The following CACNA1D variants were observed in gnomAD, a reference collection of about 807,000 sequenced individuals.
CACNA1D encodes calcium voltage-gated channel subunit alpha1 D.
Under a neutral mutation model 257.1 loss-of-function variants are expected in CACNA1D, and 55 were observed. The ratio of observed to expected loss-of-function variants is 0.21; its 90% CI spans 0.17 to 0.27. The LOEUF (loss-of-function observed/expected upper bound fraction) is 0.27, where lower values mean the gene tolerates loss of function less well. Ranked by LOEUF, CACNA1D falls within the 10% of genes least tolerant of loss-of-function variation. CACNA1D has a pLI of 1.00. For synonymous variants in CACNA1D, 980 were observed against 1,014.9 expected, an observed-to-expected ratio of 0.97 and a Z score of 0.65; for missense variants, 1,876 against 2,784.0, an observed-to-expected ratio of 0.67 and a Z score of 7.34.
chr3:53,776,722 T>C lies in CACNA1D; in HGVS notation c.4482T>C (p.Pro1494=), dbSNP rs556209865. The C allele has an allele frequency of 3.1e-6, 5 of 1,614,238 alleles. No individual in the cohort carries two copies. In the South Asian group the frequency reaches 5.5e-5, roughly 18 times the overall value. Residue 1494 remains proline, a synonymous_variant, in exon 36 of 48, where the codon CCT becomes CCC. Transcript: ENST00000350061. ...AAAGAATATGGTCAGAATATGACCCTGAGGCAAAGTAGGTTGAAAAATATT... is the reference window on the plus strand; with the variant it reads ...AAAGAATATGGTCAGAATATGACCCCGAGGCAAAGTAGGTTGAAAAATATT... The part of the protein sequence containing the change: ...EFKRIWSEYD[P]EAKGRIKHLD...
At chr3:53,780,338 T>C (rs539370266) in intron 38 of CACNA1D, among the ~76,000 whole-genome samples, 88 of 152,342 alleles carry the variant, frequency 5.8e-4, no homozygotes, top group Admixed American at 1.3e-3. Flanking sequence ...ATGCTTCACT[T>C]TGTCCCAGAA....
At chr3:53,665,849 AT>A (rs763407126) in intron 6 of CACNA1D, 37 bp downstream of exon 6, 8 of 1,584,174 alleles carry the variant, frequency 5.0e-6, no homozygotes, top group African/African-American at 2.7e-5. Flanking sequence ...TAACTTTAAA[AT>A]TTTTTTGTTT....
Position 53,789,114 on chromosome 3 carries a change from A to G in CACNA1D, c.4923+2162A>G, listed in dbSNP as rs1349288341. On this transcript the variant is annotated intron_variant, in intron 40 of 47. Coordinates refer to ENST00000350061, the MANE Select transcript of CACNA1D (RefSeq NM_001128840.3). The surrounding 1 kb of genome is among the most constrained non-coding windows in gnomAD (Gnocchi z 4.2). ...TAAAAGACTCTTTTTGTGTTGCAAT[A>G]ATGTTGAGGGTTTCTCCTAAACGTT... Among the ~76,000 whole-genome samples the G allele has an allele frequency of 3.3e-5, 5 of 152,190 alleles. No homozygotes were observed. Among genetic ancestry groups the G allele is most frequent in the Non-Finnish European group, 7.3e-5 (5 of 68,042 alleles).
chr3:53,771,799 T>C (rs1296062129), intron 32 of CACNA1D, among the ~76,000 whole-genome samples: 1 of 152,174 alleles, frequency 6.6e-6, no homozygotes, highest in Non-Finnish European at 1.5e-5. Context: ...CAAACAAAAA[T>C]CGTAAACATT....
chr3:53,712,657 C>T (rs1013415792), intron 9 of CACNA1D, among the ~76,000 whole-genome samples: 1 of 152,090 alleles, frequency 6.6e-6, no homozygotes, highest in African/African-American at 2.4e-5. Flanking sequence ...GGTACCCTGT[C>T]CCCTAGGAAG....
chr3:53,768,539 A>AT (rs1302358318), intron 30 of CACNA1D, among the ~76,000 whole-genome samples: 1 of 152,202 alleles, frequency 6.6e-6, no homozygotes, highest in African/African-American at 2.4e-5. Flanking sequence ...AGGAGCTGAT[A>AT]TTTCTTTTGA....
chr3:53,779,479 T>C (rs559823906), intron 37 of CACNA1D, among the ~76,000 whole-genome samples: 1 of 152,130 alleles, frequency 6.6e-6, no homozygotes, highest in Admixed American at 6.5e-5. Flanking sequence ...AGGTTTATCA[T>C]GGGGAATTGG....
intron 3 of CACNA1D, among the ~76,000 whole-genome samples, chr3:53,567,356 G>A (rs531268238): frequency 2.9e-4 from 44 of 152,304 alleles, no homozygotes; most frequent in African/African-American, 6.3e-4. Context: ...AAGAGGCTTC[G>A]TTGCTCATCT....
chr3:53,613,094 T>G (rs2093600474), intron 3 of CACNA1D, among the ~76,000 whole-genome samples: 1 of 152,200 alleles, frequency 6.6e-6, no homozygotes, highest in Non-Finnish European at 1.5e-5. Context: ...AGAGGGCACT[T>G]TGCTTCTGTG....
At chr3:53,588,081 G>T (rs1367082770) in intron 3 of CACNA1D, among the ~76,000 whole-genome samples, 2 of 152,136 alleles carry the variant, frequency 1.3e-5, no homozygotes, top group Non-Finnish European at 2.9e-5. Context: ...TTAAGACCTA[G>T]GGGTATTTCC....
intron 3 of CACNA1D, among the ~76,000 whole-genome samples, chr3:53,578,532 G>A (rs1210368215): frequency 2.0e-5 from 3 of 152,154 alleles, no homozygotes; most frequent in Non-Finnish European, 4.4e-5. Context: ...GGAGGAGGCA[G>A]CCTTCATCTT....
At chr3:53,530,564 G>A (rs1376020644) in intron 3 of CACNA1D, among the ~76,000 whole-genome samples, 1 of 152,144 alleles carries the variant, frequency 6.6e-6, no homozygotes, top group Non-Finnish European at 1.5e-5. Flanking sequence ...CTATAAGCAG[G>A]GACCTACAAC....
At chr3:53,685,492 A>G (rs915188574) in intron 8 of CACNA1D, among the ~76,000 whole-genome samples, 18 of 152,320 alleles carry the variant, frequency 1.2e-4, no homozygotes, top group African/African-American at 3.6e-4. Flanking sequence ...ATTGATATTT[A>G]TAAAATACTG....
chr3:53,774,911 G>A lies in CACNA1D; in HGVS notation c.4202+233G>A, dbSNP rs1030323653. On this transcript the variant is annotated intron_variant, in intron 34 of 47. Transcript: ENST00000350061. The surrounding 1 kb of genome is among the most constrained non-coding windows in gnomAD (Gnocchi z 4.3). ...TAATCCCGATTGTGGCTGGCATAAG[G>A]TTTATTCATTTGGGAGTTAGTAGGG... Among the ~76,000 whole-genome samples the A allele has an allele frequency of 6.6e-6, 1 of 152,190 alleles. No homozygotes were observed. Among genetic ancestry groups the A allele is most frequent in the African/African-American group, 2.4e-5 (1 of 41,432 alleles).
intron 4 of CACNA1D, among the ~76,000 whole-genome samples, chr3:53,657,407 T>G (rs2094158932): frequency 6.6e-6 from 1 of 152,194 alleles, no homozygotes; most frequent in Non-Finnish European, 1.5e-5. Context: ...TACAAGGCTG[T>G]GCAAAAGGGG....
At chr3:53,499,483 A>C (rs2090498845) in intron 2 of CACNA1D, among the ~76,000 whole-genome samples, 1 of 152,048 alleles carries the variant, frequency 6.6e-6, no homozygotes, top group South Asian at 2.1e-4. Context: ...TGCCCCCTGG[A>C]GGAGTGAGGG....
chr3:53,668,413 G>A (rs2094290567), intron 7 of CACNA1D, among the ~76,000 whole-genome samples: 1 of 152,098 alleles, frequency 6.6e-6, no homozygotes, highest in Non-Finnish European at 1.5e-5. Context: ...TATCATCTAG[G>A]ATGATATAAT....
At chr3:53,747,957 T>C (rs1379429216) in intron 26 of CACNA1D, among the ~76,000 whole-genome samples, 2 of 152,228 alleles carry the variant, frequency 1.3e-5, no homozygotes, top group Non-Finnish European at 2.9e-5. Context: ...TCTGGCTGAC[T>C]GCGTGCTTAG....
intron 3 of CACNA1D, among the ~76,000 whole-genome samples, chr3:53,580,568 T>A (rs760285640): frequency 1.3e-4 from 20 of 152,200 alleles, no homozygotes; most frequent in Non-Finnish European, 2.4e-4. Context: ...ACATTCACCA[T>A]CTGTAGAGTG....
Sources: gnomAD v4.1 joint callset for allele counts (sites outside exome capture counted in the v4.1 genomes callset) on GRCh38, gnomAD v4.1.1 for gene constraint, Gnocchi (gnomAD v3.1) non-coding constraint, MANE v1.5 for transcripts, NCBI Gene and HGNC (gene_info 2026-07-23, HGNC 2026-07-21) for gene names.